The following TTLL5 variants were observed in gnomAD, a reference collection of about 807,000 sequenced individuals.
TTLL5 encodes tubulin tyrosine ligase like 5, also known as tubulin polyglutamylase TTLL5.
Under a neutral mutation model 168.4 loss-of-function variants are expected in TTLL5, and 132 were observed. The ratio of observed to expected loss-of-function variants is 0.78; its 90% CI spans 0.68 to 0.91. The LOEUF (loss-of-function observed/expected upper bound fraction) is 0.91. Ranked by LOEUF, TTLL5 falls within the 40% of genes least tolerant of loss-of-function variation. The pLI is 0.00. For synonymous variants in TTLL5, 546 were observed against 558.6 expected, an observed-to-expected ratio of 0.98 and a Z score of 0.32; for missense variants, 1,545 against 1,581.5, an observed-to-expected ratio of 0.98 and a Z score of 0.39.
At chr14:75,891,926 CAT>C (rs2032421730) in intron 30 of TTLL5, among the ~76,000 whole-genome samples, 1 of 152,194 alleles carries the variant, frequency 6.6e-6, no homozygotes, top group South Asian at 2.1e-4. Flanking sequence ...GTTTCCCTGA[CAT>C]ATATTGCATC....
chr14:75,750,088 C>A (rs1056279565), intron 17 of TTLL5, among the ~76,000 whole-genome samples: 1 of 152,046 alleles, frequency 6.6e-6, no homozygotes, highest in Non-Finnish European at 1.5e-5. Context: ...TGTGACTTGT[C>A]CGTAACCACA....
intron 16 of TTLL5, 98 bp downstream of exon 16, chr14:75,745,306 A>G (rs1244119021): frequency 3.9e-6 from 5 of 1,291,158 alleles, no homozygotes; most frequent in Non-Finnish European, 4.4e-6. Flanking sequence ...CATGTCTTAC[A>G]TTGAAAAGAG....
chr14:75,787,581 AATT>A (rs1463354627), intron 26 of TTLL5, among the ~76,000 whole-genome samples: 4 of 152,200 alleles, frequency 2.6e-5, no homozygotes, highest in Non-Finnish European at 5.9e-5. Flanking sequence ...TACTTCTATT[AATT>A]ATTAATACAC....
At chr14:75,908,493 G>C (rs960109212) in intron 31 of TTLL5, among the ~76,000 whole-genome samples, 10 of 152,342 alleles carry the variant, frequency 6.6e-5, no homozygotes, top group Admixed American at 6.5e-4. Context: ...GACAGTCCTA[G>C]AACCTCTTCA....
chr14:75,707,205 T>C (rs1375137794), intron 8 of TTLL5, 118 bp downstream of exon 8: 1 of 787,268 alleles, frequency 1.3e-6, no homozygotes, highest in Non-Finnish European at 2.1e-6. Context: ...TTGACATGTG[T>C]GGCTCCAGAA....
intron 29 of TTLL5, among the ~76,000 whole-genome samples, chr14:75,870,237 C>T (rs2030911920): frequency 6.6e-6 from 1 of 151,070 alleles, no homozygotes; most frequent in Non-Finnish European, 1.5e-5. Flanking sequence ...GCACTTAGGC[C>T]TAGACGTCAT....
At chr14:75,702,088 CA>C (rs1438848994) in intron 7 of TTLL5, among the ~76,000 whole-genome samples, 1 of 152,176 alleles carries the variant, frequency 6.6e-6, no homozygotes, top group Non-Finnish European at 1.5e-5. Context: ...AGTCTGGACT[CA>C]AAACAGTACC....
chr14:75,901,815 A>G (rs1002662611), intron 30 of TTLL5, among the ~76,000 whole-genome samples: 1 of 152,208 alleles, frequency 6.6e-6, no homozygotes, highest in Non-Finnish European at 1.5e-5. Flanking sequence ...CCTTCAATAA[A>G]CAACTATTTA....
At chr14:75,705,220 A>G (rs1040613695) in intron 7 of TTLL5, among the ~76,000 whole-genome samples, 4 of 152,224 alleles carry the variant, frequency 2.6e-5, no homozygotes, top group East Asian at 1.9e-4. Context: ...TTGTGTTCCT[A>G]TGATGCGTAG....
intron 26 of TTLL5, among the ~76,000 whole-genome samples, chr14:75,792,711 G>A (rs1442871783): frequency 2.0e-5 from 3 of 152,150 alleles, no homozygotes; most frequent in Admixed American, 1.3e-4. Flanking sequence ...AATAATGCAT[G>A]TGGCAGTTTG....
chr14:75,813,463 C>G (rs760357081), intron 27 of TTLL5, among the ~76,000 whole-genome samples: 83 of 152,120 alleles, frequency 5.5e-4, no homozygotes, highest in Non-Finnish European at 7.8e-4. Flanking sequence ...CCACCACACT[C>G]AGCTAATTTT....
intron 7 of TTLL5, among the ~76,000 whole-genome samples, chr14:75,706,461 T>C (rs372484902): frequency 2.2e-4 from 33 of 152,224 alleles, no homozygotes; most frequent in African/African-American, 7.2e-4. Context: ...AAGAAATCTT[T>C]TAAAGACCTT....
chr14:75,781,812 G>A (rs991941031), intron 24 of TTLL5, among the ~76,000 whole-genome samples: 1 of 151,992 alleles, frequency 6.6e-6, no homozygotes, highest in Non-Finnish European at 1.5e-5. Flanking sequence ...AAAATTAGCC[G>A]GGTGTGGTGG....
Position 75,759,243 on chromosome 14 carries a change from GCAACTTT to G in TTLL5, c.1551-5371_1551-5365del, listed in dbSNP as rs1304119154. On this transcript the variant is annotated intron_variant, in intron 18 of 31. Transcript: ENST00000298832. Reference sequence around the variant, plus strand: ...AAAGGATATTAAGGCAATATTATTAGCAACTTTATTCCATTACTTTGACAGCTTAGTT... The same window carrying G: ...AAAGGATATTAAGGCAATATTATTAGATTCCATTACTTTGACAGCTTAGTT... 8.5e-5 allele frequency among the ~76,000 whole-genome samples: 13 copies of G among 152,270 alleles called. No individual in the cohort carries two copies. In the East Asian group the frequency reaches 2.5e-3, roughly 29 times the overall value.
rs553460866 is a variant in TTLL5, at chr14:75,707,496, C to G, written c.656-127C>G. The G allele has an allele frequency of 8.8e-6, 6 of 680,664 alleles. No homozygotes were observed. In the South Asian group the frequency reaches 1.2e-4, roughly 13 times the overall value. 42.2% of individuals were successfully genotyped at this position (680,664 alleles called of 1,614,324 possible). ...ATCCTCCGAAGTCAAGGTGTGTGAG[C>G]AGTGTGTGTTTCATGTGGAGTGTAG... On this transcript the variant is annotated intron_variant, in intron 8 of 31. Coordinates refer to ENST00000298832, the MANE Select transcript of TTLL5 (RefSeq NM_015072.5).
intron 12 of TTLL5, among the ~76,000 whole-genome samples, chr14:75,726,170 G>A (rs1888175581): frequency 6.6e-6 from 1 of 152,070 alleles, no homozygotes; most frequent in South Asian, 2.1e-4. Context: ...GCCTTGGATG[G>A]ATTATTATTT....
chr14:75,693,151 T>A (rs1276047018), intron 6 of TTLL5, among the ~76,000 whole-genome samples: 1 of 152,140 alleles, frequency 6.6e-6, no homozygotes, highest in Non-Finnish European at 1.5e-5. Context: ...GCTAAGTTGA[T>A]GACCCAGATA....
intron 31 of TTLL5, among the ~76,000 whole-genome samples, chr14:75,919,504 T>G (rs561846729): frequency 6.6e-6 from 1 of 152,272 alleles, no homozygotes; most frequent in East Asian, 1.9e-4. Flanking sequence ...TCAACAACTA[T>G]TCAGTGGTAC....
At position 75,783,217 on chromosome 14, in the gene TTLL5, T is replaced by C. The variant is rs751994576; in HGVS notation, c.2673T>C (p.Thr891=). The C allele has an allele frequency of 6.2e-7, 1 of 1,614,200 alleles. No individual in the cohort carries two copies. The highest frequency in any genetic ancestry group is 1.1e-5 in the South Asian group (1 of 91,082). ...ATTCCTCCTCTGGTCCTACTGCTACTCTGCAGAAAATTCCCAACACCCATT... is the reference window on the plus strand; with the variant it reads ...ATTCCTCCTCTGGTCCTACTGCTACCCTGCAGAAAATTCCCAACACCCATT... ...YSNSSSGPTA[T]LQKIPNTHLS... Residue 891 remains threonine (T), a synonymous_variant, in exon 26 of 32, where the codon ACT becomes ACC. Transcript: ENST00000298832.
Sources: gnomAD v4.1 joint callset for allele counts (sites outside exome capture counted in the v4.1 genomes callset) on GRCh38, gnomAD v4.1.1 for gene constraint, MANE v1.5 for transcripts, NCBI Gene and HGNC (gene_info 2026-07-23, HGNC 2026-07-21) for gene names.